ARHGAP18: variants seen among roughly 807,000 people sequenced by gnomAD.
ARHGAP18 encodes Rho GTPase activating protein 18, also known as rho GTPase-activating protein 18.
In ARHGAP18, 67 loss-of-function variants were observed where a neutral mutation model predicts 86.2. That is an observed-to-expected ratio of 0.78 (90% confidence interval 0.64 to 0.95). The LOEUF (loss-of-function observed/expected upper bound fraction) is 0.95, where lower values mean the gene tolerates loss of function less well. ARHGAP18 is among the 40% of genes least tolerant of loss of function. The pLI is 0.00. For synonymous variants in ARHGAP18, 283 were observed against 280.4 expected, an observed-to-expected ratio of 1.01 and a Z score of -0.09; for missense variants, 691 against 780.4, an observed-to-expected ratio of 0.89 and a Z score of 1.37.
chr6:129,660,857 T>A (rs1773935304), intron 1 of ARHGAP18, among the ~76,000 whole-genome samples: 1 of 151,826 alleles, frequency 6.6e-6, no homozygotes, highest in Non-Finnish European at 1.5e-5. Context: ...CGAAAACAAA[T>A]TTAGGATGAA....
Position 129,578,430 on chromosome 6 carries a change from C to CT in ARHGAP18, c.*82dup. ...TGGGTACAACTGAATAATATGAGTC[C>CT]TGCCATTTCTTTTATTTACACTCTT... On this transcript the variant is annotated 3_prime_UTR_variant, in exon 15 of 15. Coordinates refer to ENST00000368149, the MANE Select transcript of ARHGAP18 (RefSeq NM_033515.3). 1 of 1,082,994 alleles carries CT rather than the reference C, an allele frequency of 9.2e-7. No homozygotes were observed. The highest frequency in any genetic ancestry group is 1.4e-6 in the Non-Finnish European group (1 of 733,624). The allele number at this position is 1,082,994 out of a possible 1,614,324, so 67.1% of individuals were successfully genotyped here. A position where few individuals can be genotyped will look rare whatever the true frequency, so the allele number is the denominator to read the frequency against.
At chr6:129,614,103 A>G (rs1289978130) in intron 7 of ARHGAP18, among the ~76,000 whole-genome samples, 3 of 152,212 alleles carry the variant, frequency 2.0e-5, no homozygotes, top group African/African-American at 7.2e-5. Context: ...GGTTTAAACA[A>G]TGTACCTCTG....
At chr6:129,666,990 C>G (rs6906744) in intron 1 of ARHGAP18, among the ~76,000 whole-genome samples, 1 of 151,844 alleles carries the variant, frequency 6.6e-6, no homozygotes, top group Non-Finnish European at 1.5e-5. Flanking sequence ...TCTACAAATA[C>G]TCCTTTGTTA....
chr6:129,597,644 T>C (rs1199815940), intron 12 of ARHGAP18, among the ~76,000 whole-genome samples: 1 of 151,804 alleles, frequency 6.6e-6, no homozygotes, highest in Non-Finnish European at 1.5e-5. Flanking sequence ...CCTGACTCCC[T>C]GGGAACACCT....
chr6:129,584,668 T>C (rs1463302215), intron 12 of ARHGAP18, among the ~76,000 whole-genome samples: 1 of 152,202 alleles, frequency 6.6e-6, no homozygotes, highest in Non-Finnish European at 1.5e-5. Flanking sequence ...CTTTTGCCCA[T>C]GGATGTGAAA....
chr6:129,616,386 A>C (rs1789099874), intron 6 of ARHGAP18, 83 bp from the exon 7 acceptor site: 2 of 1,087,988 alleles, frequency 1.8e-6, no homozygotes, highest in African/African-American at 3.2e-5. Flanking sequence ...AAGATTTCTG[A>C]TACTGTCGAT....
intron 9 of ARHGAP18, among the ~76,000 whole-genome samples, chr6:129,607,216 G>A (rs1264392444): frequency 6.6e-6 from 1 of 152,178 alleles, no homozygotes; most frequent in Non-Finnish European, 1.5e-5. Context: ...CTTGAAGGCA[G>A]TGATGGCATT....
At chr6:129,656,505 G>A (rs185186044) in intron 1 of ARHGAP18, among the ~76,000 whole-genome samples, 66 of 152,276 alleles carry the variant, frequency 4.3e-4, no homozygotes, top group Non-Finnish European at 7.9e-4. Context: ...GCTGGGCATG[G>A]TGGTACGCGC....
chr6:129,579,979 A>G (rs950489629), intron 14 of ARHGAP18, 91 bp downstream of exon 14: 26 of 1,108,438 alleles, frequency 2.3e-5, no homozygotes, highest in Non-Finnish European at 6.6e-6. Context: ...TTTTACTTCT[A>G]ATTTCCTGTT....
chr6:129,684,190 A>T (rs561613597), intron 1 of ARHGAP18, among the ~76,000 whole-genome samples: 1 of 152,318 alleles, frequency 6.6e-6, no homozygotes, highest in Admixed American at 6.5e-5. Flanking sequence ...GAAGTAGGAG[A>T]GGAAATGATG....
chr6:129,602,463 A>G (rs1389540964), intron 10 of ARHGAP18, among the ~76,000 whole-genome samples: 1 of 151,702 alleles, frequency 6.6e-6, no homozygotes, highest in Non-Finnish European at 1.5e-5. Flanking sequence ...TGGAAAAAGG[A>G]AAAAAAGTAT....
intron 7 of ARHGAP18, among the ~76,000 whole-genome samples, chr6:129,613,047 C>A (rs1418715448): frequency 6.6e-6 from 1 of 151,884 alleles, no homozygotes; most frequent in Non-Finnish European, 1.5e-5. Flanking sequence ...TCCTTGTTAA[C>A]ATGGTGAAAC....
rs376500003 is a variant in ARHGAP18 at position 129,667,469 on chromosome 6, ATGTGTG to A, written c.114-25457_114-25452del. ...GGTCTATATCAAAAGAAAAATATAT[ATGTGTG>A]TGTGTGTGTGTGTGTGTGTGTGTGT... is the stretch of plus-strand genomic sequence containing the variant. On this transcript the variant is annotated intron_variant, in intron 1 of 14. Transcript: ENST00000368149. Among the ~76,000 whole-genome samples, 616 of 104,222 alleles carry A rather than the reference ATGTGTG, an allele frequency of 5.9e-3. 4 individuals are homozygous for A. The highest frequency in any genetic ancestry group is 0.018 in the African/African-American group (476 of 26,934). The allele number at this position is 104,222 out of a possible 152,430, so 68.4% of individuals were successfully genotyped here.
chr6:129,690,227 C>T (rs1188239647), intron 1 of ARHGAP18, among the ~76,000 whole-genome samples: 2 of 152,036 alleles, frequency 1.3e-5, no homozygotes, highest in South Asian at 2.1e-4. Flanking sequence ...ATATTATCTT[C>T]ACATACATGC....
intron 1 of ARHGAP18, among the ~76,000 whole-genome samples, chr6:129,686,239 CCACGCTCCCAAA>C (rs150535114): frequency 0.082 from 12,483 of 152,094 alleles, 611 homozygotes; most frequent in Admixed American, 0.13. Context: ...ATATGAACTC[CCACGCTCCCAAA>C]CCCTCCTACC....
intron 1 of ARHGAP18, among the ~76,000 whole-genome samples, chr6:129,692,371 T>C (rs891780040): frequency 1.4e-4 from 21 of 152,164 alleles, no homozygotes; most frequent in African/African-American, 4.6e-4. Flanking sequence ...AGTTCATTCA[T>C]ATTTTCCTTC....
chr6:129,695,696 A>T (rs1774603695), intron 1 of ARHGAP18, among the ~76,000 whole-genome samples: 2 of 152,228 alleles, frequency 1.3e-5, no homozygotes. Flanking sequence ...AAAGCATCCC[A>T]TCATTTCTAC....
At chr6:129,627,144 C>T (rs980728701) in intron 5 of ARHGAP18, among the ~76,000 whole-genome samples, 1 of 151,944 alleles carries the variant, frequency 6.6e-6, no homozygotes, top group Non-Finnish European at 1.5e-5. Flanking sequence ...TATATAATTC[C>T]GTGAGTTAAG....
intron 3 of ARHGAP18, among the ~76,000 whole-genome samples, chr6:129,637,064 G>A (rs1284068757): frequency 6.6e-6 from 1 of 152,050 alleles, no homozygotes; most frequent in Non-Finnish European, 1.5e-5. Flanking sequence ...TGTTGTTGTT[G>A]TTGTTGTTGT....
Sources: allele counts gnomAD v4.1 joint callset (sites outside exome capture counted in the v4.1 genomes callset), GRCh38; gene constraint gnomAD v4.1.1; transcripts MANE v1.5; gene names NCBI Gene and HGNC (gene_info 2026-07-23, HGNC 2026-07-21).